The following PTPN3 variants were observed in gnomAD, a reference collection of about 807,000 sequenced individuals.
PTPN3 encodes the protein protein tyrosine phosphatase non-receptor type 3.
In PTPN3, 96 loss-of-function variants were observed where a neutral mutation model predicts 132.7. The observed-to-expected ratio is 0.72, with a 90% CI of 0.61 to 0.86. The LOEUF (loss-of-function observed/expected upper bound fraction) is 0.86, where lower values mean the gene tolerates loss of function less well. PTPN3 is among the 40% of genes least tolerant of loss of function. PTPN3 has a pLI of 0.00. For synonymous variants in PTPN3, 398 were observed against 429.0 expected, an observed-to-expected ratio of 0.93 and a Z score of 0.89; for missense variants, 1,125 against 1,159.6, an observed-to-expected ratio of 0.97 and a Z score of 0.43.
intron 19 of PTPN3, among the ~76,000 whole-genome samples, chr9:109,397,949 A>T (rs1840736339): frequency 6.6e-6 from 1 of 152,212 alleles, no homozygotes; most frequent in South Asian, 2.1e-4. Flanking sequence ...AAACAAAAAC[A>T]ACAAACTATT....
the PTPN3 span, among the ~76,000 whole-genome samples, chr9:109,506,852 C>CT: frequency 6.6e-6 from 1 of 152,178 alleles, no homozygotes; most frequent in Non-Finnish European, 1.5e-5. Context: ...TTCCTCCCGT[C>CT]TTGGCTTCCC....
chr9:109,380,265 C>CT (rs1838950013), intron 25 of PTPN3, among the ~76,000 whole-genome samples: 1 of 149,306 alleles, frequency 6.7e-6, no homozygotes, highest in South Asian at 2.1e-4. Flanking sequence ...ATCTATCTAT[C>CT]TAGTTTTCAA....
chr9:109,494,456 G>C (rs1237306387), intron 1 of PTPN3, among the ~76,000 whole-genome samples: 1 of 152,156 alleles, frequency 6.6e-6, no homozygotes, highest in Non-Finnish European at 1.5e-5. Context: ...AAAAGACCAG[G>C]TTGGACTTGG....
At chr9:109,490,334 T>C (rs1259175331) in intron 1 of PTPN3, among the ~76,000 whole-genome samples, 1 of 152,192 alleles carries the variant, frequency 6.6e-6, no homozygotes. Flanking sequence ...ATTTACTGAG[T>C]GCATTTGATG....
chr9:109,406,738 C>G, intron 17 of PTPN3, 120 bp from the exon 18 acceptor site: 1 of 1,236,552 alleles, frequency 8.1e-7, no homozygotes, highest in Non-Finnish European at 1.2e-6. Flanking sequence ...TTCTCTCCCT[C>G]GGGTAGTACT....
Position 109,438,130 on chromosome 9 carries a change from G to C in PTPN3, c.571C>G (p.Leu191Val). ...NEDFLTKVES[L>V]HEQHSGLKQS... ...CCCCCTCACCTGTGCTGCTCATGCAGAGATTCGACTTTTGTTAAAAAGTCC... is the reference window on the plus strand; with the variant it reads ...CCCCCTCACCTGTGCTGCTCATGCACAGATTCGACTTTTGTTAAAAAGTCC... Residue 191 changes from leucine to valine, a missense_variant, in exon 8 of 26, where the codon CTG (leucine) becomes GTG (valine). Leu to Val is a conservative substitution (Grantham distance 32). Transcript: ENST00000374541. 6.2e-7 allele frequency: 1 copy of C among 1,613,972 alleles called. No homozygotes were observed. Among genetic ancestry groups the C allele is most frequent in the South Asian group, 1.1e-5 (1 of 91,010 alleles).
intron 4 of PTPN3, among the ~76,000 whole-genome samples, chr9:109,456,807 T>C (rs1845589669): frequency 2.0e-5 from 3 of 150,106 alleles, no homozygotes; most frequent in African/African-American, 7.3e-5. Flanking sequence ...TGTTGGAAAG[T>C]ATGAGGTGTT....
chr9:109,499,610 A>G (rs993105100), upstream of PTPN3, among the ~76,000 whole-genome samples: 1 of 152,182 alleles, frequency 6.6e-6, no homozygotes, highest in African/African-American at 2.4e-5. Context: ...TTATTTGTTG[A>G]ATATGTGAAC....
chr9:109,406,433 T>C (rs1197707642), intron 18 of PTPN3, 29 bp downstream of exon 18: 4 of 1,606,814 alleles, frequency 2.5e-6, no homozygotes, highest in African/African-American at 1.3e-5. Context: ...ACAGCTTCCC[T>C]ATGGCTCCTC....
Position 109,389,279 on chromosome 9 carries a change from T to C in PTPN3, c.2207A>G (p.Lys736Arg). 1 of 1,614,210 alleles carries C rather than the reference T, an allele frequency of 6.2e-7. No homozygotes were observed. Among genetic ancestry groups the C allele is most frequent in the Non-Finnish European group, 8.5e-7 (1 of 1,180,028 alleles). Residue 736 changes from lysine to arginine, a missense_variant, in exon 22 of 26, where the codon AAG becomes AGG. By Grantham distance (26) the Lys-to-Arg change is conservative. Transcript: ENST00000374541. ...CGTCAACATGACAATGAGTGACAAC[T>C]TCTGATCCCAGACAACCTGCCAAAA... The part of the protein sequence containing the change: ...AQFWQVVWDQ[K>R]LSLIVMLTTL...
chr9:109,508,861 C>T, the PTPN3 span, among the ~76,000 whole-genome samples: 1 of 152,028 alleles, frequency 6.6e-6, no homozygotes, highest in South Asian at 2.1e-4. Flanking sequence ...TGTCCCCCCC[C>T]CACCCACCAA....
chr9:109,501,958 CCTCT>C (rs1847868990), upstream of PTPN3, among the ~76,000 whole-genome samples: 1 of 152,184 alleles, frequency 6.6e-6, no homozygotes, highest in African/African-American at 2.4e-5. Context: ...AATATAGTCA[CCTCT>C]CTCTCTTAGT....
At chr9:109,493,561 T>C (rs1159988848) in intron 1 of PTPN3, among the ~76,000 whole-genome samples, 6 of 152,208 alleles carry the variant, frequency 3.9e-5, no homozygotes, top group African/African-American at 9.6e-5. Flanking sequence ...TAACTTTCCA[T>C]ATAAACCATC....
At chr9:109,451,669 T>C (rs1471819110) in intron 5 of PTPN3, among the ~76,000 whole-genome samples, 1 of 152,182 alleles carries the variant, frequency 6.6e-6, no homozygotes, top group Non-Finnish European at 1.5e-5. Flanking sequence ...GCAGGAAGAT[T>C]TTGTCAGCTC....
chr9:109,402,158 C>T (rs1445862210), intron 19 of PTPN3, among the ~76,000 whole-genome samples: 1 of 152,220 alleles, frequency 6.6e-6, no homozygotes, highest in Non-Finnish European at 1.5e-5. Flanking sequence ...AACCGGTATG[C>T]ACTGTGACTG....
the PTPN3 span, among the ~76,000 whole-genome samples, chr9:109,513,308 C>T: frequency 6.6e-6 from 1 of 152,200 alleles, no homozygotes; most frequent in Admixed American, 6.5e-5. Flanking sequence ...GCATGAGCCA[C>T]CACATCCGGC....
intron 2 of PTPN3, among the ~76,000 whole-genome samples, chr9:109,459,116 T>C (rs1276018843): frequency 7.9e-5 from 12 of 152,226 alleles, no homozygotes; most frequent in Admixed American, 4.6e-4. Context: ...CAGGTATCTA[T>C]TCTGCATAAT....
chr9:109,507,892 T>C, the PTPN3 span, among the ~76,000 whole-genome samples: 7 of 152,198 alleles, frequency 4.6e-5, no homozygotes, highest in Non-Finnish European at 8.8e-5. Context: ...ATTTTTCACC[T>C]TCTTGGGTGT....
At chr9:109,520,017 G>A in the PTPN3 span, among the ~76,000 whole-genome samples, 1 of 152,146 alleles carries the variant, frequency 6.6e-6, no homozygotes, top group Admixed American at 6.6e-5. Flanking sequence ...AAATTAGCCA[G>A]GCGTGGTGGT....
Sources: allele counts gnomAD v4.1 joint callset (sites outside exome capture counted in the v4.1 genomes callset), GRCh38; gene constraint gnomAD v4.1.1; transcripts MANE v1.5; gene names NCBI Gene and HGNC (gene_info 2026-07-23, HGNC 2026-07-21).